The following ROBO2 variants were observed in gnomAD, a reference collection of about 807,000 sequenced individuals.
ROBO2 encodes the protein roundabout homolog 2.
Under a neutral mutation model 160.8 loss-of-function variants are expected in ROBO2, and 53 were observed. The ratio of observed to expected loss-of-function variants is 0.33; its 90% CI spans 0.26 to 0.41. ROBO2 has a LOEUF of 0.41. Ranked by LOEUF, ROBO2 falls within the 10% of genes least tolerant of loss-of-function variation. The probability of loss-of-function intolerance (pLI) is 1.00; values close to 1 mark genes in which losing one functional copy is unlikely to be tolerated. For synonymous variants in ROBO2, 664 were observed against 611.7 expected, an observed-to-expected ratio of 1.09 and a Z score of -1.26; for missense variants, 1,577 against 1,722.4, an observed-to-expected ratio of 0.92 and a Z score of 1.49.
chr3:76,640,516 C>G (rs528287548), intron 2 of ROBO2, among the ~76,000 whole-genome samples: 3 of 150,824 alleles, frequency 2.0e-5, no homozygotes, highest in African/African-American at 7.3e-5. Flanking sequence ...GCCTGGGCAA[C>G]GAGTGAAGCT....
chr3:75,959,703 A>G (rs1948844074), intron 2 of ROBO2, among the ~76,000 whole-genome samples: 1 of 151,746 alleles, frequency 6.6e-6, no homozygotes, highest in Non-Finnish European at 1.5e-5. Flanking sequence ...TTTTATTTCT[A>G]CCTACAAATT....
At chr3:77,548,574 G>A (rs951055682) in intron 7 of ROBO2, among the ~76,000 whole-genome samples, 1 of 151,916 alleles carries the variant, frequency 6.6e-6, no homozygotes, top group African/African-American at 2.4e-5. Flanking sequence ...ATAAACATAG[G>A]ATATTTAAAT....
intron 2 of ROBO2, among the ~76,000 whole-genome samples, chr3:76,269,487 A>G (rs1263415098): frequency 6.6e-6 from 1 of 151,882 alleles, no homozygotes; most frequent in South Asian, 2.1e-4. Context: ...TAGATGATGA[A>G]CTTCTGAATG....
intron 2 of ROBO2, among the ~76,000 whole-genome samples, chr3:76,317,595 A>C: frequency 6.6e-6 from 1 of 152,146 alleles, no homozygotes; most frequent in East Asian, 1.9e-4. Flanking sequence ...TCTGAGTTTC[A>C]TTTGTTTAAA....
intron 2 of ROBO2, among the ~76,000 whole-genome samples, chr3:76,436,284 C>G: frequency 6.6e-6 from 1 of 152,128 alleles, no homozygotes; most frequent in East Asian, 1.9e-4. Flanking sequence ...ATGTGCCATG[C>G]TGGTGCGCTG....
At chr3:77,484,508 A>C (rs982808199) in intron 4 of ROBO2, among the ~76,000 whole-genome samples, 2 of 146,724 alleles carry the variant, frequency 1.4e-5, no homozygotes, top group African/African-American at 2.5e-5. Context: ...CCCCAACACA[A>C]ACACACACAC....
chr3:77,087,724 A>C (rs973733490), intron 1 of ROBO2, among the ~76,000 whole-genome samples: 2 of 150,930 alleles, frequency 1.3e-5, no homozygotes, highest in East Asian at 3.9e-4. Flanking sequence ...ATACATGTAC[A>C]CATATATACA....
intron 2 of ROBO2, among the ~76,000 whole-genome samples, chr3:76,465,998 GGTGTGTGTGT>G (rs57838247): frequency 6.1e-5 from 9 of 147,672 alleles, no homozygotes; most frequent in East Asian, 2.0e-4. Flanking sequence ...ATAAAATATG[GGTGTGTGTGT>G]GTGTGTGTGT....
chr3:76,579,320 C>T (rs1394225796), intron 2 of ROBO2, among the ~76,000 whole-genome samples: 2 of 152,074 alleles, frequency 1.3e-5, no homozygotes, highest in African/African-American at 4.8e-5. Context: ...TTAATTCATT[C>T]TATTTTTGTT....
chr3:77,179,710 T>C (rs2080513742), intron 2 of ROBO2, among the ~76,000 whole-genome samples: 1 of 152,156 alleles, frequency 6.6e-6, no homozygotes, highest in East Asian at 1.9e-4. Flanking sequence ...CCTATAAAAT[T>C]GTAATTATTT....
At chr3:77,536,040 G>A (rs2092075411) in intron 6 of ROBO2, among the ~76,000 whole-genome samples, 1 of 152,136 alleles carries the variant, frequency 6.6e-6, no homozygotes, top group Non-Finnish European at 1.5e-5. Context: ...GAGTGGACTT[G>A]CTAAACCCAG....
chr3:77,360,262 C>A (rs945005761), intron 2 of ROBO2, among the ~76,000 whole-genome samples: 2 of 150,802 alleles, frequency 1.3e-5, no homozygotes, highest in African/African-American at 2.4e-5. Context: ...ACCCCCCCCC[C>A]AAATTTAGAA....
At chr3:77,433,974 G>A (rs1008608393) in intron 2 of ROBO2, among the ~76,000 whole-genome samples, 14 of 152,016 alleles carry the variant, frequency 9.2e-5, no homozygotes, top group Admixed American at 7.9e-4. Flanking sequence ...CAAAGCAGCC[G>A]CATTTCTCCC....
intron 6 of ROBO2, among the ~76,000 whole-genome samples, chr3:77,529,907 C>T (rs2091510144): frequency 1.3e-5 from 2 of 151,846 alleles, no homozygotes; most frequent in African/African-American, 4.8e-5. Context: ...AAAGAAGACA[C>T]ATAATAAGGC....
intron 2 of ROBO2, among the ~76,000 whole-genome samples, chr3:77,164,666 G>A (rs2078842624): frequency 8.3e-6 from 1 of 120,664 alleles, no homozygotes; most frequent in African/African-American, 3.2e-5. Context: ...GGAGGTGGGG[G>A]GGTCAGCCCC....
intron 2 of ROBO2, among the ~76,000 whole-genome samples, chr3:77,228,917 T>C (rs1320315512): frequency 6.6e-6 from 1 of 152,168 alleles, no homozygotes; most frequent in African/African-American, 2.4e-5. Context: ...AACTTAGAAA[T>C]AGTTGAACTA....
chr3:77,107,746 G>A lies in ROBO2; in HGVS notation c.388+9406G>A, dbSNP rs181874230. Among the ~76,000 whole-genome samples the A allele has an allele frequency of 1.7e-3, 261 of 152,162 alleles. 1 individual carries two copies. The highest frequency in any genetic ancestry group is 3.0e-3 in the Non-Finnish European group (207 of 68,026). ...TGTGCCTCTTTCTGAGAGCCAGGCCGTTTCCTAGTAATGCAACTATAAAGG... is the reference window on the plus strand; with the variant it reads ...TGTGCCTCTTTCTGAGAGCCAGGCCATTTCCTAGTAATGCAACTATAAAGG... On this transcript the variant is annotated intron_variant, in intron 2 of 25. Transcript: ENST00000461745.
intron 2 of ROBO2, among the ~76,000 whole-genome samples, chr3:77,270,573 T>TTTC (rs60472181): frequency 0.81 from 121,987 of 151,526 alleles, 49,673 homozygotes; most frequent in East Asian, 0.95. Flanking sequence ...AGTACAAAAA[T>TTTC]AAGATATAAG....
chr3:77,500,044 C>T (rs991895587), intron 5 of ROBO2, among the ~76,000 whole-genome samples: 2 of 152,160 alleles, frequency 1.3e-5, no homozygotes, highest in African/African-American at 4.8e-5. Flanking sequence ...GCTATACATT[C>T]TCCTGGTATT....
Sources: allele counts gnomAD v4.1 joint callset (sites outside exome capture counted in the v4.1 genomes callset), GRCh38; gene constraint gnomAD v4.1.1; transcripts MANE v1.5; gene names NCBI Gene and HGNC (gene_info 2026-07-23, HGNC 2026-07-21).